Variants in EPC1 observed in about 807,000 individuals in gnomAD.
EPC1 encodes the protein enhancer of polycomb 1.
EPC1 carries 12 observed loss-of-function variants against 98.4 expected under a neutral mutation model. That is an observed-to-expected ratio of 0.12 (90% CI 0.08 to 0.20). The LOEUF (loss-of-function observed/expected upper bound fraction) is 0.20. EPC1 is among the 10% of genes least tolerant of loss of function. The probability of loss-of-function intolerance (pLI) is 1.00; values close to 1 mark genes in which losing one functional copy is unlikely to be tolerated. For missense variants in EPC1, 729 were observed against 990.5 expected, an observed-to-expected ratio of 0.74 and a Z score of 3.54; for synonymous variants, 357 against 363.9, an observed-to-expected ratio of 0.98 and a Z score of 0.21.
intron 2 of EPC1, among the ~76,000 whole-genome samples, chr10:32,298,313 T>TA (rs1835293529): frequency 6.6e-6 from 1 of 152,170 alleles, no homozygotes; most frequent in Non-Finnish European, 1.5e-5. Flanking sequence ...AGTATGTCCA[T>TA]AACTTCAAAC....
At chr10:32,278,366 TTTTTG>T (rs1274303337) in intron 10 of EPC1, among the ~76,000 whole-genome samples, 1 of 68,764 alleles carries the variant, frequency 1.5e-5, no homozygotes, top group Non-Finnish European at 2.6e-5. Flanking sequence ...CTTTGGTTTT[TTTTTG>T]TTTTTTTTTT....
intron 1 of EPC1, among the ~76,000 whole-genome samples, chr10:32,319,122 A>T (rs990445600): frequency 6.6e-6 from 1 of 152,210 alleles, no homozygotes; most frequent in African/African-American, 2.4e-5. Context: ...TTCTACTAGG[A>T]TGTCTACCCC....
chr10:32,294,998 G>A (rs1025230727), intron 2 of EPC1, among the ~76,000 whole-genome samples: 2 of 152,034 alleles, frequency 1.3e-5, no homozygotes, highest in Non-Finnish European at 2.9e-5. Context: ...TTAGCACCCA[G>A]CCTGGTATCA....
At chr10:32,284,242 T>C (rs1043079330) in intron 10 of EPC1, 1 of 152,858 alleles carries the variant, frequency 6.5e-6, no homozygotes, top group African/African-American at 2.4e-5. Flanking sequence ...TCTGAAAAAT[T>C]AGTTTATCTT....
intron 2 of EPC1, among the ~76,000 whole-genome samples, chr10:32,296,477 A>C (rs990988210): frequency 6.6e-6 from 1 of 152,174 alleles, no homozygotes; most frequent in African/African-American, 2.4e-5. Flanking sequence ...GGGCTGCATC[A>C]AGACTGAAAA....
chr10:32,339,804 G>T (rs79137564), intron 1 of EPC1, among the ~76,000 whole-genome samples: 1 of 152,092 alleles, frequency 6.6e-6, no homozygotes, highest in South Asian at 2.1e-4. Context: ...ATTTTGTAAG[G>T]TAGCTCAGAA....
chr10:32,370,427 AC>A (rs1839714550), intron 1 of EPC1, among the ~76,000 whole-genome samples: 1 of 152,172 alleles, frequency 6.6e-6, no homozygotes, highest in African/African-American at 2.4e-5. Flanking sequence ...GCAATTCTCA[AC>A]CCTGACTGCT....
At chr10:32,334,328 C>G (rs1029112141) in intron 1 of EPC1, among the ~76,000 whole-genome samples, 27 of 152,250 alleles carry the variant, frequency 1.8e-4, no homozygotes, top group East Asian at 1.2e-3. Context: ...CTTTACAGGT[C>G]AGCAGGAATT....
chr10:32,327,957 G>T (rs966214253), intron 1 of EPC1, among the ~76,000 whole-genome samples: 1 of 152,182 alleles, frequency 6.6e-6, no homozygotes, highest in Non-Finnish European at 1.5e-5. Context: ...TATGTTGGTT[G>T]TTTTGACTGT....
intron 2 of EPC1, among the ~76,000 whole-genome samples, chr10:32,305,293 A>G (rs2490474): frequency 0.85 from 129,910 of 152,312 alleles, 55,507 homozygotes; most frequent in East Asian, 0.96. Context: ...ACACAGCGAC[A>G]TTCATTCATT....
chr10:32,307,445 T>C (rs1353406233), intron 1 of EPC1, among the ~76,000 whole-genome samples: 2 of 152,204 alleles, frequency 1.3e-5, no homozygotes, highest in African/African-American at 4.8e-5. Context: ...GCCCTTCTTG[T>C]TACTTTAGGT....
chr10:32,269,147 A>C lies in EPC1; in HGVS notation c.2370-12T>G. The C allele has an allele frequency of 2.5e-6, 4 of 1,608,454 alleles. No homozygotes were observed. Among genetic ancestry groups the C allele is most frequent in the Non-Finnish European group, 8.5e-7 (1 of 1,175,438 alleles). On this transcript the variant is annotated splice_polypyrimidine_tract_variant and intron_variant, in intron 13 of 13. Transcript: ENST00000319778. ...ATTCATGATTTTCCCTGTTGAAATAAAGTTCAATCAATTACTTATCTACAA... is the reference window on the plus strand; with the variant it reads ...ATTCATGATTTTCCCTGTTGAAATACAGTTCAATCAATTACTTATCTACAA...
chr10:32,343,656 A>T (rs1361956452), intron 1 of EPC1, among the ~76,000 whole-genome samples: 3 of 146,608 alleles, frequency 2.0e-5, no homozygotes, highest in African/African-American at 7.5e-5. Context: ...TTAAAAAAAT[A>T]GATAAGTTCA....
chr10:32,363,984 C>T (rs911760800), intron 1 of EPC1, among the ~76,000 whole-genome samples: 41 of 114,248 alleles, frequency 3.6e-4, no homozygotes, highest in African/African-American at 1.2e-3. Context: ...ATAATAGTAT[C>T]GTGTCCATCA....
intron 1 of EPC1, among the ~76,000 whole-genome samples, chr10:32,369,922 TAA>T (rs1441843840): frequency 6.6e-6 from 1 of 152,150 alleles, no homozygotes; most frequent in Non-Finnish European, 1.5e-5. Context: ...GGTGTTTAAT[TAA>T]GTCATGCTAC....
chr10:32,296,921 T>A (rs549684326), intron 2 of EPC1, among the ~76,000 whole-genome samples: 6 of 148,136 alleles, frequency 4.1e-5, no homozygotes, highest in East Asian at 3.9e-4. Flanking sequence ...AAAAAAAAAA[T>A]TATTAAATAG....
At chr10:32,300,490 G>A (rs1419900803) in intron 2 of EPC1, among the ~76,000 whole-genome samples, 1 of 149,646 alleles carries the variant, frequency 6.7e-6, no homozygotes, top group Non-Finnish European at 1.5e-5. Flanking sequence ...CTAGAGTGTA[G>A]TGGCGCGATC....
At chr10:32,306,039 T>A (rs1835858215) in intron 1 of EPC1, 108 bp from the exon 2 acceptor site, 9 of 930,142 alleles carry the variant, frequency 9.7e-6, no homozygotes, top group Non-Finnish European at 1.4e-5. Flanking sequence ...ATAGAGAGAT[T>A]CTAGTAGTAG....
intron 3 of EPC1, 46 bp from the exon 4 acceptor site, chr10:32,293,240 G>T: frequency 7.4e-7 from 1 of 1,357,648 alleles, no homozygotes. Flanking sequence ...ACACATACAA[G>T]GTTCATAAGT....
Sources: allele counts gnomAD v4.1 joint callset (sites outside exome capture counted in the v4.1 genomes callset), GRCh38; gene constraint gnomAD v4.1.1; transcripts MANE v1.5; gene names NCBI Gene and HGNC (gene_info 2026-07-23, HGNC 2026-07-21).